VAV3: variants seen among roughly 807,000 people sequenced by gnomAD.
VAV3 encodes the protein guanine nucleotide exchange factor VAV3.
A neutral mutation model predicts 131.2 loss-of-function variants in VAV3; 94 were observed. The ratio of observed to expected loss-of-function variants is 0.72; its 90% confidence interval spans 0.61 to 0.85. The LOEUF (loss-of-function observed/expected upper bound fraction) is 0.85. Ranked by LOEUF, VAV3 falls within the 40% of genes least tolerant of loss-of-function variation. VAV3 has a pLI of 0.00. For missense variants in VAV3, 939 were observed against 1,002.7 expected (o/e 0.94, Z 0.86); for synonymous variants, 349 against 342.0 (o/e 1.02, Z -0.22).
At chr1:107,738,010 G>A (rs1303855733) in intron 15 of VAV3, among the ~76,000 whole-genome samples, 3 of 152,204 alleles carry the variant, frequency 2.0e-5, no homozygotes, top group African/African-American at 7.2e-5. Context: ...ATTCACCATG[G>A]AATAACTGTG....
At chr1:107,713,152 C>T (rs1660886362) in intron 15 of VAV3, among the ~76,000 whole-genome samples, 1 of 151,922 alleles carries the variant, frequency 6.6e-6, no homozygotes, top group African/African-American at 2.4e-5. Flanking sequence ...GGAATAAAAT[C>T]GACAAAATTG....
At chr1:107,945,284 TA>T (rs956524992) in intron 1 of VAV3, among the ~76,000 whole-genome samples, 4 of 152,228 alleles carry the variant, frequency 2.6e-5, no homozygotes, top group Non-Finnish European at 5.9e-5. Flanking sequence ...TTGAATTTTT[TA>T]GAGGCCCTTG....
intron 20 of VAV3, among the ~76,000 whole-genome samples, chr1:107,630,831 A>T (rs147211506): frequency 6.6e-6 from 1 of 152,306 alleles, no homozygotes; most frequent in African/African-American, 2.4e-5. Flanking sequence ...ATGATTCCAC[A>T]TTTAGACCCA....
intron 1 of VAV3, among the ~76,000 whole-genome samples, chr1:107,944,754 A>G (rs1674167928): frequency 6.6e-6 from 1 of 152,028 alleles, no homozygotes; most frequent in African/African-American, 2.4e-5. Flanking sequence ...ATTGGCGTCC[A>G]CTACCACACC....
At chr1:107,617,677 CA>C in intron 20 of VAV3, 45 bp from the exon 21 acceptor site, 1 of 1,564,666 alleles carries the variant, frequency 6.4e-7, no homozygotes, top group Non-Finnish European at 8.8e-7. Flanking sequence ...AAATTTACCA[CA>C]AATGATAACC....
chr1:107,767,864 C>T (rs1664820058), intron 7 of VAV3, among the ~76,000 whole-genome samples: 1 of 152,110 alleles, frequency 6.6e-6, no homozygotes, highest in African/African-American at 2.4e-5. Context: ...TGGTAAGGTG[C>T]CCTGAAACTT....
intron 5 of VAV3, among the ~76,000 whole-genome samples, chr1:107,771,033 T>C (rs574968659): frequency 5.3e-5 from 8 of 152,338 alleles, no homozygotes; most frequent in African/African-American, 1.9e-4. Context: ...ATTTCCTTAA[T>C]GTACAGCACA....
intron 2 of VAV3, among the ~76,000 whole-genome samples, chr1:107,835,540 C>T (rs1571018800): frequency 6.6e-6 from 1 of 152,196 alleles, no homozygotes; most frequent in Non-Finnish European, 1.5e-5. Flanking sequence ...GGTCTATCTG[C>T]TAGCTGCAGC....
chr1:107,749,739 G>C, intron 13 of VAV3, 145 bp from the exon 14 acceptor site: 1 of 890,306 alleles, frequency 1.1e-6, no homozygotes, highest in Non-Finnish European at 1.7e-6. Context: ...CGGGGTATTT[G>C]AGGTTATAAG....
chr1:107,640,351 A>T (rs970665445), intron 20 of VAV3, among the ~76,000 whole-genome samples: 1 of 152,182 alleles, frequency 6.6e-6, no homozygotes, highest in Admixed American at 6.5e-5. Flanking sequence ...TGTTGTGTGA[A>T]ATAAGCCATA....
At chr1:107,867,199 C>A (rs1670029383) in intron 2 of VAV3, among the ~76,000 whole-genome samples, 1 of 152,144 alleles carries the variant, frequency 6.6e-6, no homozygotes, top group South Asian at 2.1e-4. Context: ...GGATTCTTTG[C>A]AAAGTTATTT....
At chr1:107,795,502 A>G (rs931734731) in intron 2 of VAV3, among the ~76,000 whole-genome samples, 2 of 152,144 alleles carry the variant, frequency 1.3e-5, no homozygotes, top group East Asian at 1.9e-4. Context: ...TCTTTTTATT[A>G]TCTTCTCTCT....
intron 19 of VAV3, among the ~76,000 whole-genome samples, chr1:107,652,633 AT>A (rs1258275424): frequency 6.6e-6 from 1 of 152,028 alleles, no homozygotes; most frequent in Non-Finnish European, 1.5e-5. Flanking sequence ...TCATATATAT[AT>A]TTATATTGCC....
chr1:107,831,160 T>C (rs1668231276), intron 2 of VAV3, among the ~76,000 whole-genome samples: 2 of 152,160 alleles, frequency 1.3e-5, no homozygotes, highest in South Asian at 4.1e-4. Flanking sequence ...TTTCGGGTTT[T>C]GTGAGTTTAA....
intron 15 of VAV3, among the ~76,000 whole-genome samples, chr1:107,728,588 T>TGTATACGTATACGTATAC (rs1432016952): frequency 0.012 from 1,445 of 115,898 alleles, 30 homozygotes; most frequent in African/African-American, 0.032. Flanking sequence ...GACAGTCATA[T>TGTATACGTATACGTATAC]GTATACGTAT....
chr1:107,820,585 C>T (rs1020859875), intron 2 of VAV3, among the ~76,000 whole-genome samples: 2 of 151,518 alleles, frequency 1.3e-5, no homozygotes, highest in Non-Finnish European at 2.9e-5. Flanking sequence ...AAAAATTCAT[C>T]GTACATTTAA....
intron 15 of VAV3, among the ~76,000 whole-genome samples, chr1:107,714,410 A>T (rs1486198278): frequency 6.6e-6 from 1 of 152,162 alleles, no homozygotes; most frequent in East Asian, 1.9e-4. Context: ...AAAAATCTCA[A>T]AATAAAACTG....
At chr1:107,750,318 T>C (rs1440233863) in intron 13 of VAV3, among the ~76,000 whole-genome samples, 3 of 152,234 alleles carry the variant, frequency 2.0e-5, no homozygotes, top group South Asian at 2.1e-4. Context: ...CATGTTAATA[T>C]TTCTTTTTTC....
chr1:107,745,974 G>C (rs957582841), intron 15 of VAV3, among the ~76,000 whole-genome samples: 11 of 152,146 alleles, frequency 7.2e-5, no homozygotes, highest in African/African-American at 2.7e-4. Context: ...GATACACAAG[G>C]CTTGCTGTTC....
Sources: allele counts gnomAD v4.1 joint callset (sites outside exome capture counted in the v4.1 genomes callset), GRCh38; gene constraint gnomAD v4.1.1; transcripts MANE v1.5; gene names NCBI Gene and HGNC (gene_info 2026-07-23, HGNC 2026-07-21).